MYH9: variants seen among roughly 807,000 people sequenced by gnomAD.
MYH9 encodes the protein myosin heavy chain 9.
MYH9 carries 29 observed loss-of-function variants against 241.9 expected under a neutral mutation model. The observed-to-expected ratio is 0.12, with a 90% CI of 0.09 to 0.16. The LOEUF (loss-of-function observed/expected upper bound fraction) is 0.16. Among genes scored for constraint, MYH9 ranks in the 10% least tolerant of loss-of-function variants. The pLI is 1.00. For synonymous variants in MYH9, 1,047 were observed against 1,062.6 expected (o/e 0.99, Z 0.29); for missense variants, 1,803 against 2,595.5 (o/e 0.69, Z 6.63).
intron 18 of MYH9, 36 bp downstream of exon 18, chr22:36,304,997 C>T (rs1170460738): frequency 6.2e-7 from 1 of 1,602,854 alleles, no homozygotes; most frequent in South Asian, 1.1e-5. Flanking sequence ...CAAGGGGCTG[C>T]CCATCCAGAG....
In MYH9 at chr22:36,284,749, A is replaced by G. The variant is rs113911293; in HGVS notation, c.5484-238T>C. Among the ~76,000 whole-genome samples the G allele has an allele frequency of 9.0e-4, 137 of 152,302 alleles. 1 individual carries two copies. Among genetic ancestry groups the G allele is most frequent in the African/African-American group, 3.1e-3 (130 of 41,566 alleles). On this transcript the variant is annotated intron_variant, in intron 38 of 40. Coordinates refer to ENST00000216181, the MANE Select transcript of MYH9 (RefSeq NM_002473.6). ...AAGCGACACACCTCAAAGAGCATCT[A>G]TGTAACTGGAAAAGAGGTCTGGGGG...
At chr22:36,376,652 C>A (rs963902928) in intron 1 of MYH9, among the ~76,000 whole-genome samples, 1 of 152,094 alleles carries the variant, frequency 6.6e-6, no homozygotes, top group East Asian at 1.9e-4. Context: ...AAAATGCCCC[C>A]CTACCACCAC....
chr22:36,298,721 G>A (rs544205529), intron 24 of MYH9, among the ~76,000 whole-genome samples, 198 bp downstream of exon 24: 4 of 152,334 alleles, frequency 2.6e-5, no homozygotes, highest in Admixed American at 2.6e-4. Context: ...GGAGGCTCAG[G>A]TTCCCGCAGG....
At chr22:36,315,291 A>G (rs908234667) in intron 12 of MYH9, among the ~76,000 whole-genome samples, 1 of 152,154 alleles carries the variant, frequency 6.6e-6, no homozygotes, top group African/African-American at 2.4e-5. Flanking sequence ...GAAAAAATAC[A>G]TGATTTCAAT....
chr22:36,312,405 G>A (rs1487940837), intron 13 of MYH9, among the ~76,000 whole-genome samples, 183 bp from the exon 14 acceptor site: 2 of 152,184 alleles, frequency 1.3e-5, no homozygotes, highest in Non-Finnish European at 2.9e-5. Context: ...TGGGGCCCAG[G>A]CTGCGGCTGA....
chr22:36,286,742 C>G lies in MYH9; in HGVS notation c.5037G>C (p.Glu1679Asp). Reference protein sequence around the residue: ...KENEKKLKSMEAEMIQLQEEL... With the variant: ...KENEKKLKSMDAEMIQLQEEL... ...CCTCCTGCAACTGGATCATCTCGGC[C>G]TCCATGCTCTTCAGCTTCTTCTCGT... is the stretch of plus-strand genomic sequence containing the variant. The change falls in exon 35 of 41, where the codon GAG (glutamate) becomes GAC (aspartate). Residue 1679 changes from glutamate (E) to aspartate (D), a missense_variant. Around this residue, in one of 11 missense-constraint regions of MYH9, gnomAD observed 876 missense variants for 1,077.8 expected, o/e 0.81. Coordinates refer to ENST00000216181, the MANE Select transcript of MYH9 (RefSeq NM_002473.6). 3.1e-6 allele frequency: 5 copies of G among 1,613,162 alleles called. No individual in the cohort carries two copies. The highest frequency in any genetic ancestry group is 4.2e-6 in the Non-Finnish European group (5 of 1,180,050).
At chr22:36,366,392 G>T (rs760338158) in intron 1 of MYH9, among the ~76,000 whole-genome samples, 1 of 151,964 alleles carries the variant, frequency 6.6e-6, no homozygotes, top group Non-Finnish European at 1.5e-5. Flanking sequence ...GAGGTGGGGG[G>T]TCGGGGGGAG....
rs367752026 is a variant in MYH9, at chr22:36,306,681, G to C, written c.1844-74C>G. On this transcript the variant is annotated intron_variant, in intron 15 of 40. Coordinates refer to ENST00000216181, the MANE Select transcript of MYH9 (RefSeq NM_002473.6). This position sits in a 1 kb window ranked among gnomAD's most constrained non-coding sequence, Gnocchi z 4.1. ...GTGGTGGGGGAGCACGTAGGAGAGA[G>C]AGACAGGCACACGTCGGACAGGAAA... 2.1e-6 allele frequency: 3 copies of C among 1,418,082 alleles called. No individual in the cohort carries two copies. Among genetic ancestry groups the C allele is most frequent in the Admixed American group, 1.9e-5 (1 of 54,040 alleles). 87.8% of individuals were successfully genotyped at this position (1,418,082 alleles called of 1,614,324 possible).
chr22:36,345,341 GA>G (rs952675384), intron 2 of MYH9, among the ~76,000 whole-genome samples: 5 of 148,260 alleles, frequency 3.4e-5, no homozygotes, highest in Admixed American at 3.3e-4. Flanking sequence ...AGTTCCCATG[GA>G]ATCCTCGCAG....
chr22:36,357,724 G>A (rs1474679843), intron 1 of MYH9, among the ~76,000 whole-genome samples: 1 of 152,098 alleles, frequency 6.6e-6, no homozygotes, highest in Non-Finnish European at 1.5e-5. Context: ...GAAATCCTCA[G>A]GGCAAAAGGA....
chr22:36,288,771 G>A lies in MYH9; in HGVS notation c.4726C>T (p.Arg1576Trp), dbSNP rs199722926. The A allele has an allele frequency of 3.9e-5, 62 of 1,609,882 alleles. No homozygotes were observed. The highest frequency in any genetic ancestry group is 3.5e-4 in the South Asian group (32 of 91,074). Residue 1576 changes from arginine to tryptophan, a missense_variant, in exon 33 of 41, where the codon CGG becomes TGG. Arg to Trp is a moderately radical substitution (Grantham distance 101). Around this residue, in one of 11 missense-constraint regions of MYH9, gnomAD observed 876 missense variants for 1,077.8 expected, o/e 0.81. Transcript: ENST00000216181. The surrounding 1 kb of genome is among the most constrained non-coding windows in gnomAD (Gnocchi z 4.8). Reference protein sequence around the residue: ...KAQFERDLQGRDEQSEEKKKQ... With the variant: ...KAQFERDLQGWDEQSEEKKKQ... ...TTCTTCTCCTCGCTCTGCTCGTCCC[G>A]GCCCTGCAGGTCCCGCTCGAACTGG...
chr22:36,303,892 G>GC (rs1488708859), intron 19 of MYH9, 103 bp downstream of exon 19: 1 of 1,379,276 alleles, frequency 7.3e-7, no homozygotes, highest in Non-Finnish European at 1.0e-6. Context: ...TCCCTGACAG[G>GC]CATGTGACTG....
intron 3 of MYH9, among the ~76,000 whole-genome samples, chr22:36,340,930 G>C (rs73405778): frequency 2.0e-5 from 3 of 152,204 alleles, no homozygotes; most frequent in African/African-American, 7.2e-5. Flanking sequence ...CAGAGTGACA[G>C]GGGGGCAGAA....
Position 36,327,439 on chromosome 22 carries a change from AC to A in MYH9, c.518+21del, listed in dbSNP as rs778628240. 27 of 1,613,760 alleles carry A rather than the reference AC, an allele frequency of 1.7e-5. No homozygotes were observed. The Middle Eastern group carries it at 8.2e-4, about 49-fold the overall frequency. Reference sequence around the variant, plus strand: ...ACAGACTGGGGTGAAACGAACCACTACCCAGACGGAGAAATACTTACGTGCA... The same window carrying A: ...ACAGACTGGGGTGAAACGAACCACTACCAGACGGAGAAATACTTACGTGCA... On this transcript the variant is annotated intron_variant, in intron 4 of 40. Coordinates refer to ENST00000216181, the MANE Select transcript of MYH9 (RefSeq NM_002473.6).
intron 1 of MYH9, among the ~76,000 whole-genome samples, chr22:36,368,960 G>C (rs943509671): frequency 1.3e-5 from 2 of 152,104 alleles, no homozygotes; most frequent in Non-Finnish European, 2.9e-5. Flanking sequence ...GGTCATTAAA[G>C]CCTGTGACCT....
intron 24 of MYH9, 143 bp from the exon 25 acceptor site, chr22:36,297,157 C>T (rs955789227): frequency 3.3e-6 from 3 of 898,410 alleles, no homozygotes; most frequent in Non-Finnish European, 5.2e-6. Flanking sequence ...TCGCACCCAA[C>T]TCCTGGATGC....
At position 36,348,988 on chromosome 22, in the gene MYH9, C is replaced by T; in HGVS notation, c.249G>A (p.Val83=). Residue 83 remains valine, a synonymous_variant, in exon 2 of 41, where the codon GTG becomes GTA. Coordinates refer to ENST00000216181, the MANE Select transcript of MYH9 (RefSeq NM_002473.6). ...QKMNPPKFSK[V]EDMAELTCLN... Reference sequence around the variant, plus strand: ...GGCACGTGAGCTCTGCCATGTCCTCCACCTTGGAGAACTTGGGCGGGTTCA... The same window carrying T: ...GGCACGTGAGCTCTGCCATGTCCTCTACCTTGGAGAACTTGGGCGGGTTCA... 1 of 1,614,270 alleles carries T rather than the reference C, an allele frequency of 6.2e-7. No individual in the cohort carries two copies. The highest frequency in any genetic ancestry group is 1.6e-4 in the Middle Eastern group (1 of 6,062).
Position 36,326,416 on chromosome 22 carries a change from C to T in MYH9, c.612+152G>A, listed in dbSNP as rs11912139. Reference sequence around the variant, plus strand: ...GCTGGACCACTCCCAGGACAGGCCACGCCACTGCCTCAATGGAAATGGGCC... The same window carrying T: ...GCTGGACCACTCCCAGGACAGGCCATGCCACTGCCTCAATGGAAATGGGCC... On this transcript the variant is annotated intron_variant, in intron 5 of 40. Coordinates refer to ENST00000216181, the MANE Select transcript of MYH9 (RefSeq NM_002473.6). The T allele has an allele frequency of 0.019, 15,491 of 798,210 alleles. 1,720 individuals carry two copies. The African/African-American group carries it at 0.24, about 12-fold the overall frequency. 49.4% of individuals were successfully genotyped at this position (798,210 alleles called of 1,614,324 possible). A position where few individuals can be genotyped will look rare whatever the true frequency, so the allele number is the denominator to read the frequency against.
chr22:36,386,054 T>C (rs1438832272), intron 1 of MYH9, among the ~76,000 whole-genome samples: 1 of 152,140 alleles, frequency 6.6e-6, no homozygotes, highest in East Asian at 1.9e-4. Context: ...TCTGCCACTT[T>C]CCCCTTGAGG....
Sources: gnomAD v4.1 joint callset for allele counts (sites outside exome capture counted in the v4.1 genomes callset) on GRCh38, gnomAD v4.1.1 for gene constraint, gnomAD v4.1.1 regional missense constraint, Gnocchi (gnomAD v3.1) non-coding constraint, MANE v1.5 for transcripts, NCBI Gene and HGNC (gene_info 2026-07-23, HGNC 2026-07-21) for gene names.